CCDC148: variants seen among roughly 807,000 people sequenced by gnomAD.
CCDC148 encodes coiled-coil domain containing 148.
CCDC148 carries 89 observed loss-of-function variants against 85.7 expected under a neutral mutation model. The observed-to-expected ratio is 1.04, with a 90% CI of 0.87 to 1.24. CCDC148 has a LOEUF of 1.24. CCDC148 is among the 50% of genes most tolerant of loss of function. The probability of loss-of-function intolerance (pLI) is 0.00; values close to 1 mark genes in which losing one functional copy is unlikely to be tolerated. For missense variants in CCDC148, 692 were observed against 671.7 expected (o/e 1.03, Z -0.33); for synonymous variants, 230 against 213.9 (o/e 1.08, Z -0.66).
At position 158,334,328 on chromosome 2, in the gene CCDC148, C is replaced by T. The variant is rs536006683; in HGVS notation, c.764+4398G>A. Among the ~76,000 whole-genome samples, 26 of 152,176 alleles carry T rather than the reference C, an allele frequency of 1.7e-4. No individual in the cohort carries two copies. The South Asian group carries it at 3.1e-3, about 18-fold the overall frequency. On this transcript the variant is annotated intron_variant, in intron 7 of 13. Coordinates refer to ENST00000283233, the MANE Select transcript of CCDC148 (RefSeq NM_138803.4). The stretch of plus-strand genomic sequence containing the variant: ...ATTTTGGGGGAAGCATTTTGTGCTG[C>T]GGTCTCACTTATTTGATAGATCAAA...
intron 1 of CCDC148, among the ~76,000 whole-genome samples, chr2:158,400,835 C>A (rs966911584): frequency 2.6e-5 from 4 of 152,112 alleles, no homozygotes; most frequent in African/African-American, 9.7e-5. Flanking sequence ...TATCCAGAAG[C>A]TACAAAGAAC....
intron 10 of CCDC148, among the ~76,000 whole-genome samples, chr2:158,225,834 A>C (rs976739406): frequency 3.9e-5 from 6 of 152,166 alleles, no homozygotes; most frequent in African/African-American, 1.4e-4. Context: ...ATAGCACTAA[A>C]TGCCCACAAG....
Position 158,268,061 on chromosome 2 carries a change from T to C in CCDC148, c.1111-17149A>G, listed in dbSNP as rs535853059. Reference sequence around the variant, plus strand: ...CAAATTAAGCTGCTACACACATTCATGTGCAGGTTTTGTGTGAACATAAGT... The same window carrying C: ...CAAATTAAGCTGCTACACACATTCACGTGCAGGTTTTGTGTGAACATAAGT... On this transcript the variant is annotated intron_variant, in intron 9 of 13. Coordinates refer to ENST00000283233, the MANE Select transcript of CCDC148 (RefSeq NM_138803.4). Among the ~76,000 whole-genome samples, 10 of 152,348 alleles carry C rather than the reference T, an allele frequency of 6.6e-5. No homozygotes were observed. The East Asian group carries it at 1.9e-3, about 29-fold the overall frequency.
chr2:158,282,278 G>T (rs1370190946), intron 9 of CCDC148, among the ~76,000 whole-genome samples: 1 of 152,060 alleles, frequency 6.6e-6, no homozygotes, highest in African/African-American at 2.4e-5. Context: ...TTCTGGCCAG[G>T]GCAATCAGGC....
intron 9 of CCDC148, among the ~76,000 whole-genome samples, chr2:158,282,804 A>G (rs1488574737): frequency 6.6e-6 from 1 of 152,198 alleles, no homozygotes; most frequent in African/African-American, 2.4e-5. Context: ...GAACCAAAAA[A>G]GAGCCCACAT....
intron 8 of CCDC148, among the ~76,000 whole-genome samples, 196 bp from the exon 9 acceptor site, chr2:158,309,835 C>G (rs1033363523): frequency 7.9e-5 from 12 of 152,214 alleles, no homozygotes; most frequent in Non-Finnish European, 1.8e-4. Flanking sequence ...TAATTGGTGA[C>G]TGAGGACAAG....
At chr2:158,374,451 A>G (rs192822501) in intron 1 of CCDC148, among the ~76,000 whole-genome samples, 1 of 152,136 alleles carries the variant, frequency 6.6e-6, no homozygotes, top group East Asian at 1.9e-4. Flanking sequence ...TTTCACTATG[A>G]TACATACCAT....
At chr2:158,247,481 C>T (rs1024172945) in intron 10 of CCDC148, among the ~76,000 whole-genome samples, 1 of 152,200 alleles carries the variant, frequency 6.6e-6, no homozygotes, top group African/African-American at 2.4e-5. Context: ...ACAGCCTATA[C>T]GAACAAAACT....
At chr2:158,413,016 G>C (rs1686334661) in intron 1 of CCDC148, among the ~76,000 whole-genome samples, 1 of 151,880 alleles carries the variant, frequency 6.6e-6, no homozygotes, top group South Asian at 2.1e-4. Flanking sequence ...TTAAAAATTA[G>C]TTTTGTAATT....
chr2:158,422,146 T>C (rs866255490), intron 1 of CCDC148, among the ~76,000 whole-genome samples: 3 of 152,176 alleles, frequency 2.0e-5, no homozygotes, highest in South Asian at 2.1e-4. Context: ...CACAGCCAAA[T>C]TCTAGCAGAG....
chr2:158,405,949 A>G (rs1012551245), intron 1 of CCDC148, among the ~76,000 whole-genome samples: 2 of 152,168 alleles, frequency 1.3e-5, no homozygotes, highest in African/African-American at 4.8e-5. Flanking sequence ...AATGATTTCT[A>G]TGATTATTTA....
chr2:158,432,437 C>T (rs1393745901), intron 1 of CCDC148, among the ~76,000 whole-genome samples: 2 of 151,974 alleles, frequency 1.3e-5, no homozygotes, highest in African/African-American at 2.4e-5. Context: ...AAAAGATATA[C>T]CACAAAAATA....
chr2:158,370,509 T>C (rs1315232129), intron 1 of CCDC148, among the ~76,000 whole-genome samples: 1 of 152,032 alleles, frequency 6.6e-6, no homozygotes, highest in Non-Finnish European at 1.5e-5. Context: ...CATTTTCATA[T>C]GAAAGATCCC....
intron 1 of CCDC148, among the ~76,000 whole-genome samples, chr2:158,393,473 G>C (rs941982861): frequency 6.6e-6 from 1 of 152,092 alleles, no homozygotes; most frequent in African/African-American, 2.4e-5. Context: ...CAATTATAGG[G>C]AAAGGGAAGG....
At chr2:158,280,644 A>G (rs1227590478) in intron 9 of CCDC148, among the ~76,000 whole-genome samples, 1 of 152,236 alleles carries the variant, frequency 6.6e-6, no homozygotes, top group Non-Finnish European at 1.5e-5. Context: ...TGAGTGACCT[A>G]CAAAGAGACT....
intron 11 of CCDC148, among the ~76,000 whole-genome samples, chr2:158,198,319 T>C (rs1685779953): frequency 6.6e-6 from 1 of 152,190 alleles, no homozygotes; most frequent in African/African-American, 2.4e-5. Context: ...GTCATTTTTG[T>C]CCATCATTGT....
At chr2:158,359,355 T>C (rs1245235255) in intron 1 of CCDC148, among the ~76,000 whole-genome samples, 1 of 152,120 alleles carries the variant, frequency 6.6e-6, no homozygotes, top group Non-Finnish European at 1.5e-5. Flanking sequence ...TTCAGGCCAA[T>C]CACAGTGAAA....
chr2:158,367,360 A>G (rs1331962709), intron 1 of CCDC148, among the ~76,000 whole-genome samples: 1 of 152,122 alleles, frequency 6.6e-6, no homozygotes, highest in Non-Finnish European at 1.5e-5. Context: ...CAAGTTTGCC[A>G]TCTTTATCTC....
At chr2:158,260,076 A>G (rs1412980598) in intron 9 of CCDC148, among the ~76,000 whole-genome samples, 2 of 151,770 alleles carry the variant, frequency 1.3e-5, no homozygotes, top group Non-Finnish European at 2.9e-5. Context: ...CAATTGATTT[A>G]TTTTCTTGTC....
Sources: gnomAD v4.1 joint callset for allele counts (sites outside exome capture counted in the v4.1 genomes callset) on GRCh38, gnomAD v4.1.1 for gene constraint, MANE v1.5 for transcripts, NCBI Gene and HGNC (gene_info 2026-07-23, HGNC 2026-07-21) for gene names.